The following SF3A3 variants were observed in gnomAD, a reference collection of about 807,000 sequenced individuals.
SF3A3 encodes SAP 61.
Under a neutral mutation model 85.8 loss-of-function variants are expected in SF3A3, and 9 were observed. That is an observed-to-expected ratio of 0.10 (90% CI 0.06 to 0.18). SF3A3 has a LOEUF of 0.18. Among genes scored for constraint, SF3A3 ranks in the 10% least tolerant of loss-of-function variants. SF3A3 has a pLI of 1.00. For synonymous variants in SF3A3, 195 were observed against 204.4 expected, an observed-to-expected ratio of 0.95 and a Z score of 0.39; for missense variants, 306 against 593.3, an observed-to-expected ratio of 0.52 and a Z score of 5.03.
At chr1:37,980,033 G>A (rs1646406337) in intron 8 of SF3A3, among the ~76,000 whole-genome samples, 1 of 152,104 alleles carries the variant, frequency 6.6e-6, no homozygotes, top group Admixed American at 6.6e-5. Context: ...CTCTTGGTTG[G>A]CAGGAACCAC....
chr1:37,987,237 C>A (rs1646463711), intron 4 of SF3A3, among the ~76,000 whole-genome samples: 1 of 152,174 alleles, frequency 6.6e-6, no homozygotes, highest in Admixed American at 6.5e-5. Flanking sequence ...TGCCACCATG[C>A]CTGGCTAATT....
In SF3A3 at chr1:37,981,667, CA is replaced by C. The variant is rs566714551; in HGVS notation, c.551+61del. The C allele has an allele frequency of 5.2e-4, 559 of 1,075,570 alleles. 4 individuals are homozygous for C. Among genetic ancestry groups the C allele is most frequent in the African/African-American group, 2.9e-3 (187 of 63,762 alleles). The allele number at this position is 1,075,570 out of a possible 1,614,324, so 66.6% of individuals were successfully genotyped here. ...GGCAACAAATTCAGAACTTCACCCTCAAAAACTTCACATTATCTTCTAATCA... is the reference window on the plus strand; with the variant it reads ...GGCAACAAATTCAGAACTTCACCCTCAAAACTTCACATTATCTTCTAATCA... On this transcript the variant is annotated intron_variant, in intron 7 of 16. Coordinates refer to ENST00000373019, the MANE Select transcript of SF3A3 (RefSeq NM_006802.4).
At chr1:37,978,872 A>G in intron 10 of SF3A3, 45 bp from the exon 11 acceptor site, 1 of 1,568,080 alleles carries the variant, frequency 6.4e-7, no homozygotes, top group African/African-American at 1.4e-5. Flanking sequence ...ACTTTACCAC[A>G]CAGGCTGGCT....
chr1:37,980,564 T>C (rs1304638710), intron 8 of SF3A3, 22 bp downstream of exon 8: 1 of 1,612,024 alleles, frequency 6.2e-7, no homozygotes, highest in East Asian at 2.2e-5. Context: ...ATGTCCACCA[T>C]TCACATCCCA....
In SF3A3 at chr1:37,960,120, C is replaced by T. The variant is rs774816074; in HGVS notation, c.1428G>A (p.Glu476=). The stretch of plus-strand genomic sequence containing the variant: ...TAACACCATCCACATTAGTACCCAC[C>T]TCAGTGTCAGGCTGCCATCGTTCTG... ...KASERWQPDT[E]EEYEDSSGNV... The change falls in exon 16 of 17, where the codon GAG becomes GAA. Residue 476 remains glutamate (E), a splice_region_variant and synonymous_variant. Coordinates refer to ENST00000373019, the MANE Select transcript of SF3A3 (RefSeq NM_006802.4). The T allele has an allele frequency of 1.2e-6, 2 of 1,613,754 alleles. No homozygotes were observed. Among genetic ancestry groups the T allele is most frequent in the Admixed American group, 1.7e-5 (1 of 60,002 alleles).
chr1:37,974,694 T>A (rs1431849157), intron 12 of SF3A3, among the ~76,000 whole-genome samples: 1 of 152,188 alleles, frequency 6.6e-6, no homozygotes, highest in Non-Finnish European at 1.5e-5. Context: ...AAAACCCAAA[T>A]CTGTAGTGGC....
At chr1:37,979,213 T>C in intron 9 of SF3A3, 158 bp from the exon 10 acceptor site, 1 of 655,678 alleles carries the variant, frequency 1.5e-6, no homozygotes, top group South Asian at 1.9e-5. Flanking sequence ...ACTGAATCTA[T>C]AGTTATCTTC....
chr1:37,959,476 C>T (rs1020830017), intron 16 of SF3A3, among the ~76,000 whole-genome samples: 1 of 152,066 alleles, frequency 6.6e-6, no homozygotes, highest in Non-Finnish European at 1.5e-5. Context: ...GTGGTATGAT[C>T]ATAGCTCAGC....
chr1:37,987,974 C>T (rs1389784430), intron 2 of SF3A3, 138 bp from the exon 3 acceptor site: 1 of 720,140 alleles, frequency 1.4e-6, no homozygotes, highest in Non-Finnish European at 2.5e-6. Flanking sequence ...CAGTTCTGTG[C>T]TTCCTAGTAC....
At chr1:37,984,000 T>C in intron 6 of SF3A3, 169 bp downstream of exon 6, 1 of 447,338 alleles carries the variant, frequency 2.2e-6, no homozygotes, top group Non-Finnish European at 4.0e-6. Flanking sequence ...AAAACTTTCA[T>C]TTTGAATAGT....
chr1:37,963,701 C>A (rs1159766691), intron 15 of SF3A3, among the ~76,000 whole-genome samples: 1 of 149,756 alleles, frequency 6.7e-6, no homozygotes, highest in Non-Finnish European at 1.5e-5. Flanking sequence ...GGACTACAGG[C>A]GCCCGCCACA....
chr1:37,976,820 A>C, intron 12 of SF3A3, 64 bp downstream of exon 12: 1 of 1,000,068 alleles, frequency 1.0e-6, no homozygotes, highest in Non-Finnish European at 1.6e-6. Context: ...ATCTTCTGTG[A>C]GTTCCTCTCC....
intron 4 of SF3A3, among the ~76,000 whole-genome samples, chr1:37,985,926 C>A (rs1168416617): frequency 6.6e-6 from 1 of 150,382 alleles, no homozygotes; most frequent in African/African-American, 2.4e-5. Flanking sequence ...CCTCCTGTTT[C>A]TCCCCTTCTT....
Position 37,989,862 on chromosome 1 carries a change from C to T in SF3A3, c.96+8G>A, listed in dbSNP as rs1420125994. ...TCCTGCCGCAGCCTCTGCTCAGGCC[C>T]CACTCACCGTGGACTTCTTGGTGAG... On this transcript the variant is annotated splice_region_variant and intron_variant, in intron 1 of 16. Transcript: ENST00000373019. The T allele has an allele frequency of 6.2e-7, 1 of 1,603,876 alleles. No homozygotes were observed. Among genetic ancestry groups the T allele is most frequent in the Non-Finnish European group, 8.5e-7 (1 of 1,171,074 alleles).
chr1:37,989,805 TCA>T lies in SF3A3; in HGVS notation c.96+63_96+64del, dbSNP rs1570474104. On this transcript the variant is annotated intron_variant, in intron 1 of 16. Coordinates refer to ENST00000373019, the MANE Select transcript of SF3A3 (RefSeq NM_006802.4). The stretch of plus-strand genomic sequence containing the variant: ...AGGTTCTGAGGGCCAAAGCAAGCTC[TCA>T]GAGGTCAAACACGGGATAGAGGCTC... 12 of 1,390,942 alleles carry T rather than the reference TCA, an allele frequency of 8.6e-6. No individual in the cohort carries two copies. In the East Asian group the frequency reaches 2.7e-4, roughly 32 times the overall value. 86.2% of individuals were successfully genotyped at this position (1,390,942 alleles called of 1,614,324 possible).
In SF3A3 at chr1:37,958,003, TAA is replaced by T; in HGVS notation, c.*181_*182del. ...TTTTCTGGCAGAATCTTTTAAAATA[TAA>T]AACAGATAAAACACATCTCAACCCT... On this transcript the variant is annotated 3_prime_UTR_variant, in exon 17 of 17. Transcript: ENST00000373019. 1.7e-6 allele frequency: 1 copy of T among 572,940 alleles called. No homozygotes were observed. Among genetic ancestry groups the T allele is most frequent in the Middle Eastern group, 4.6e-4 (1 of 2,174 alleles). 35.5% of individuals were successfully genotyped at this position (572,940 alleles called of 1,614,324 possible).
At chr1:37,972,665 C>G (rs979869984) in intron 12 of SF3A3, among the ~76,000 whole-genome samples, 1 of 152,124 alleles carries the variant, frequency 6.6e-6, no homozygotes, top group East Asian at 1.9e-4. Flanking sequence ...GTACTGGTAT[C>G]AAAACAGAGA....
intron 12 of SF3A3, among the ~76,000 whole-genome samples, chr1:37,974,538 G>C (rs1315423186): frequency 6.6e-6 from 1 of 152,092 alleles, no homozygotes; most frequent in African/African-American, 2.4e-5. Context: ...TCCTGACCTT[G>C]TGATCTGCCC....
At chr1:37,965,460 T>C (rs867632869) in intron 15 of SF3A3, among the ~76,000 whole-genome samples, 45 of 152,066 alleles carry the variant, frequency 3.0e-4, no homozygotes, top group African/African-American at 9.9e-4. Context: ...AAATGACAGG[T>C]TGTAGCATGT....
Sources: gnomAD v4.1 joint callset for allele counts (sites outside exome capture counted in the v4.1 genomes callset) on GRCh38, gnomAD v4.1.1 for gene constraint, MANE v1.5 for transcripts, NCBI Gene and HGNC (gene_info 2026-07-23, HGNC 2026-07-21) for gene names.